Variants in DLG2 observed in about 807,000 individuals in gnomAD.
DLG2 encodes the protein disks large homolog 2.
In DLG2, 45 loss-of-function variants were observed where a neutral mutation model predicts 132.5. The observed-to-expected ratio is 0.34, with a 90% CI of 0.27 to 0.44. The LOEUF is 0.44. Among genes scored for constraint, DLG2 ranks in the 20% least tolerant of loss-of-function variants. The pLI is 1.00. For synonymous variants in DLG2, 424 were observed against 419.6 expected (o/e 1.01, Z -0.13); for missense variants, 1,045 against 1,196.9 (o/e 0.87, Z 1.87).
intron 3 of DLG2, among the ~76,000 whole-genome samples, chr11:85,429,207 G>C (rs933778365): frequency 2.0e-5 from 3 of 152,164 alleles, no homozygotes; most frequent in African/African-American, 7.2e-5. Context: ...GTACAAGGAG[G>C]AGCTGGTACC....
chr11:84,639,284 A>G (rs2099648372), intron 6 of DLG2, among the ~76,000 whole-genome samples: 1 of 149,856 alleles, frequency 6.7e-6, no homozygotes, highest in Non-Finnish European at 1.5e-5. Context: ...TGGATGTTTT[A>G]TACTGAACAT....
chr11:85,509,593 T>C (rs532780901), intron 3 of DLG2, among the ~76,000 whole-genome samples: 76 of 152,210 alleles, frequency 5.0e-4, no homozygotes, highest in African/African-American at 1.8e-3. Context: ...TTTTAAAGAA[T>C]TGTCACATTG....
At chr11:84,299,036 A>C (rs1203445221) in intron 7 of DLG2, among the ~76,000 whole-genome samples, 1 of 152,220 alleles carries the variant, frequency 6.6e-6, no homozygotes, top group Admixed American at 6.5e-5. Context: ...AAGGGATTTC[A>C]TTATCACACA....
intron 7 of DLG2, among the ~76,000 whole-genome samples, chr11:84,348,905 G>T (rs929011488): frequency 6.6e-6 from 1 of 152,126 alleles, no homozygotes; most frequent in Non-Finnish European, 1.5e-5. Context: ...GAGAAGCATG[G>T]AACAGAGCTT....
intron 15 of DLG2, among the ~76,000 whole-genome samples, chr11:83,896,203 A>AC (rs1565541823): frequency 2.0e-5 from 3 of 152,240 alleles, no homozygotes; most frequent in African/African-American, 7.2e-5. Context: ...TTTTGGAATA[A>AC]AATATGAAAA....
chr11:83,878,975 C>A (rs1023630793), intron 15 of DLG2, among the ~76,000 whole-genome samples: 3 of 152,136 alleles, frequency 2.0e-5, no homozygotes, highest in Non-Finnish European at 4.4e-5. Context: ...AGGAAGTGCA[C>A]AATAGAGTTT....
intron 19 of DLG2, among the ~76,000 whole-genome samples, chr11:83,587,987 T>G (rs2097119925): frequency 6.6e-6 from 1 of 152,050 alleles, no homozygotes; most frequent in African/African-American, 2.4e-5. Flanking sequence ...GCTCAGAGGC[T>G]CCTAAGCCCA....
intron 8 of DLG2, among the ~76,000 whole-genome samples, chr11:84,217,736 T>C (rs542407096): frequency 1.6e-3 from 237 of 152,342 alleles, no homozygotes; most frequent in Non-Finnish European, 2.9e-3. Context: ...GTGCTAATGT[T>C]CATTGTGAGT....
At chr11:84,155,908 G>GA (rs2095419036) in intron 9 of DLG2, among the ~76,000 whole-genome samples, 2 of 151,992 alleles carry the variant, frequency 1.3e-5, no homozygotes, top group Admixed American at 1.3e-4. Flanking sequence ...GAAATTTTAG[G>GA]ATAAAAATGA....
chr11:83,989,015 C>G (rs928545319), intron 11 of DLG2, among the ~76,000 whole-genome samples: 2 of 152,026 alleles, frequency 1.3e-5, no homozygotes, highest in African/African-American at 2.4e-5. Flanking sequence ...CAGTTACATA[C>G]TTGCCTCATA....
intron 7 of DLG2, among the ~76,000 whole-genome samples, chr11:84,528,317 A>G (rs767225823): frequency 2.6e-5 from 4 of 152,222 alleles, no homozygotes; most frequent in Non-Finnish European, 4.4e-5. Context: ...TTCTCTTTCC[A>G]ATCCCACACT....
At chr11:84,431,166 A>G (rs2098983534) in intron 7 of DLG2, among the ~76,000 whole-genome samples, 1 of 152,322 alleles carries the variant, frequency 6.6e-6, no homozygotes, top group Admixed American at 6.5e-5. Context: ...TCATAAACCT[A>G]CATGATTTTA....
chr11:83,496,911 C>T (rs538811983), intron 21 of DLG2, among the ~76,000 whole-genome samples: 1 of 152,306 alleles, frequency 6.6e-6, no homozygotes, highest in East Asian at 1.9e-4. Context: ...GTTTTAGAAA[C>T]TCTTTTCTCT....
chr11:83,711,144 C>T (rs2085326182), intron 18 of DLG2, among the ~76,000 whole-genome samples: 1 of 152,176 alleles, frequency 6.6e-6, no homozygotes, highest in African/African-American at 2.4e-5. Flanking sequence ...AATTCAAAAT[C>T]AGATACACAT....
In DLG2 at chr11:85,617,237, G is replaced by A. The variant is rs146298248; in HGVS notation, c.-93+9350C>T. Reference sequence around the variant, plus strand: ...TTTTTTCCACCATGTCACTGCTATCGATGATGATGATAACACAGGATGTGA... The same window carrying A: ...TTTTTTCCACCATGTCACTGCTATCAATGATGATGATAACACAGGATGTGA... On this transcript the variant is annotated intron_variant, in intron 2 of 27. Coordinates refer to ENST00000376104, the MANE Select transcript of DLG2 (RefSeq NM_001142699.3). Among the ~76,000 whole-genome samples the A allele has an allele frequency of 9.4e-3, 1,429 of 152,188 alleles. 7 individuals are homozygous for A. The highest frequency in any genetic ancestry group is 0.015 in the Non-Finnish European group (1,014 of 68,006).
At chr11:84,540,041 C>G (rs943204953) in intron 6 of DLG2, among the ~76,000 whole-genome samples, 1 of 152,070 alleles carries the variant, frequency 6.6e-6, no homozygotes, top group African/African-American at 2.4e-5. Context: ...AAAATTAATT[C>G]AAGATGGATT....
chr11:84,261,560 A>G (rs1450502082), intron 7 of DLG2, among the ~76,000 whole-genome samples: 1 of 152,226 alleles, frequency 6.6e-6, no homozygotes, highest in Non-Finnish European at 1.5e-5. Context: ...AAGTTATGTG[A>G]AAGCACTAAA....
intron 19 of DLG2, 23 bp downstream of exon 19, chr11:83,633,188 T>C (rs2063875016): frequency 1.2e-6 from 2 of 1,605,318 alleles, no homozygotes; most frequent in Non-Finnish European, 1.7e-6. Context: ...AAAGTGCAGA[T>C]AGAGAAATAC....
intron 7 of DLG2, among the ~76,000 whole-genome samples, chr11:84,446,353 C>G (rs2099034873): frequency 6.6e-6 from 1 of 151,908 alleles, no homozygotes; most frequent in South Asian, 2.1e-4. Context: ...CCTAATTTTC[C>G]TGAACGTCTA....
Sources: allele counts gnomAD v4.1 joint callset (sites outside exome capture counted in the v4.1 genomes callset), GRCh38; gene constraint gnomAD v4.1.1; transcripts MANE v1.5; gene names NCBI Gene and HGNC (gene_info 2026-07-23, HGNC 2026-07-21).